TARS3: variants seen among roughly 807,000 people sequenced by gnomAD.
The protein encoded by TARS3 is threonine--tRNA ligase 2, cytoplasmic.
Under a neutral mutation model 103.5 loss-of-function variants are expected in TARS3, and 94 were observed. That is an observed-to-expected ratio of 0.91 (90% CI 0.77 to 1.08). The LOEUF (loss-of-function observed/expected upper bound fraction) is 1.08. Ranked by LOEUF, TARS3 falls within the 50% of genes least tolerant of loss-of-function variation. TARS3 has a pLI of 0.00. For missense variants in TARS3, 952 were observed against 995.2 expected, an observed-to-expected ratio of 0.96 and a Z score of 0.58; for synonymous variants, 416 against 355.4, an observed-to-expected ratio of 1.17 and a Z score of -1.92.
At chr15:101,692,561 T>G (rs946047431) in intron 10 of TARS3, among the ~76,000 whole-genome samples, 2 of 140,912 alleles carry the variant, frequency 1.4e-5, no homozygotes, top group Admixed American at 1.4e-4. Context: ...TCTCCTCACT[T>G]CTCTCCTCCA....
chr15:101,712,143 C>G, intron 4 of TARS3, 142 bp from the exon 5 acceptor site: 2 of 853,844 alleles, frequency 2.3e-6, no homozygotes, highest in South Asian at 3.7e-5. Flanking sequence ...AAAGGAAAAT[C>G]TTCGATGCCC....
At chr15:101,697,350 TGGTG>T (rs1295879403) in intron 10 of TARS3, among the ~76,000 whole-genome samples, 2 of 152,126 alleles carry the variant, frequency 1.3e-5, no homozygotes, top group African/African-American at 4.8e-5. Flanking sequence ...CAGAAACAGA[TGGTG>T]GGTAACACTG....
At chr15:101,702,160 G>C in intron 9 of TARS3, 79 bp downstream of exon 9, 1 of 1,536,740 alleles carries the variant, frequency 6.5e-7, no homozygotes, top group Non-Finnish European at 8.9e-7. Context: ...TATTTTTAAA[G>C]CAACTTAGTT....
intron 7 of TARS3, among the ~76,000 whole-genome samples, chr15:101,704,719 T>C (rs1457187848): frequency 2.7e-5 from 4 of 145,908 alleles, no homozygotes; most frequent in African/African-American, 7.6e-5. Context: ...TTTTCAAAAA[T>C]TAAATACAAG....
rs1897105229 is a variant in TARS3 at position 101,653,989 on chromosome 15, T to C, written c.*593A>G. On this transcript the variant is annotated 3_prime_UTR_variant, in exon 19 of 19. Transcript: ENST00000335968. ...TTTCTAAAGCGGAACAAAACCTAAT[T>C]ATGAATAAGAAACATTTAAATGGCA... 6.6e-6 allele frequency: 1 copy of C among 152,228 alleles called. No homozygotes were observed. The highest frequency in any genetic ancestry group is 2.4e-5 in the African/African-American group (1 of 41,450). 9.4% of individuals were successfully genotyped at this position (152,228 alleles called of 1,614,324 possible). A position where few individuals can be genotyped will look rare whatever the true frequency, so the allele number is the denominator to read the frequency against.
chr15:101,663,612 T>C (rs959327190), intron 15 of TARS3, among the ~76,000 whole-genome samples: 2 of 152,266 alleles, frequency 1.3e-5, no homozygotes, highest in Non-Finnish European at 2.9e-5. Context: ...GAAATGTTTT[T>C]TCCATTGCAT....
At chr15:101,704,213 TAC>T (rs1409232669) in intron 7 of TARS3, among the ~76,000 whole-genome samples, 1 of 152,186 alleles carries the variant, frequency 6.6e-6, no homozygotes, top group Non-Finnish European at 1.5e-5. Flanking sequence ...GGGACTGGCT[TAC>T]AGAGTGGCAA....
chr15:101,663,576 T>C (rs2141383262), intron 15 of TARS3, among the ~76,000 whole-genome samples: 1 of 152,366 alleles, frequency 6.6e-6, no homozygotes, highest in Admixed American at 6.5e-5. Flanking sequence ...ATTCATATTT[T>C]CTATTTTGTG....
chr15:101,662,661 T>C (rs1386718554), intron 15 of TARS3, among the ~76,000 whole-genome samples: 1 of 152,196 alleles, frequency 6.6e-6, no homozygotes, highest in Non-Finnish European at 1.5e-5. Flanking sequence ...GGTGAGCGGC[T>C]TGAGTCCATT....
intron 3 of TARS3, among the ~76,000 whole-genome samples, chr15:101,715,306 G>GCC (rs1567357581): frequency 1.3e-5 from 2 of 150,802 alleles, no homozygotes; most frequent in Non-Finnish European, 3.0e-5. Context: ...GCCACTACGC[G>GCC]CGGCTAATTT....
At chr15:101,698,395 C>A (rs1422675323) in intron 10 of TARS3, among the ~76,000 whole-genome samples, 1 of 151,128 alleles carries the variant, frequency 6.6e-6, no homozygotes, top group Non-Finnish European at 1.5e-5. Context: ...AAGAAAGCTA[C>A]CCTAAGGCAC....
intron 10 of TARS3, among the ~76,000 whole-genome samples, chr15:101,693,787 G>A (rs927908488): frequency 2.6e-5 from 4 of 152,026 alleles, no homozygotes; most frequent in Admixed American, 1.3e-4. Context: ...GGGTGAAAGC[G>A]GTCAGTCTCT....
At chr15:101,685,851 G>C (rs1462399476) in intron 11 of TARS3, 45 bp downstream of exon 11, 1 of 1,503,698 alleles carries the variant, frequency 6.7e-7, no homozygotes, top group Non-Finnish European at 9.1e-7. Flanking sequence ...GACGAAGCGT[G>C]CTATGTGCTC....
chr15:101,660,093 G>C (rs143818047), intron 16 of TARS3, among the ~76,000 whole-genome samples: 1 of 152,342 alleles, frequency 6.6e-6, no homozygotes, highest in African/African-American at 2.4e-5. Context: ...GTGATGCAGA[G>C]ACATGGAGCT....
chr15:101,681,573 C>T (rs1898257282), intron 12 of TARS3, among the ~76,000 whole-genome samples: 1 of 152,200 alleles, frequency 6.6e-6, no homozygotes, highest in South Asian at 2.1e-4. Flanking sequence ...CTTCACAGTT[C>T]TGCAGGCTGG....
intron 5 of TARS3, among the ~76,000 whole-genome samples, chr15:101,711,647 G>A (rs1899873099): frequency 1.3e-5 from 2 of 152,170 alleles, no homozygotes; most frequent in African/African-American, 4.8e-5. Flanking sequence ...TACAAACTAT[G>A]TGATACTCAA....
At chr15:101,712,485 G>C (rs949423183) in intron 4 of TARS3, among the ~76,000 whole-genome samples, 1 of 152,182 alleles carries the variant, frequency 6.6e-6, no homozygotes, top group African/African-American at 2.4e-5. Flanking sequence ...TGCATCTCCA[G>C]AGCAGTCTTC....
chr15:101,723,964 C>T, intron 1 of TARS3, 127 bp downstream of exon 1: 1 of 906,856 alleles, frequency 1.1e-6, no homozygotes, highest in Non-Finnish European at 1.5e-6. Flanking sequence ...GGGCCAGCCG[C>T]AGGGCACTGG....
rs574856899 is a variant in TARS3 at position 101,684,187 on chromosome 15, A to T, written c.1538T>A (p.Phe513Tyr). ...TCTATGCAGAACTCCAAAATCAGCAAATCTAATAGGCATTTCCCTCCAAGA... is the reference window on the plus strand; with the variant it reads ...TCTATGCAGAACTCCAAAATCAGCATATCTAATAGGCATTTCCCTCCAAGA... Reference protein sequence around the residue: ...PRSWREMPIRFADFGVLHRNE... With the variant: ...PRSWREMPIRYADFGVLHRNE... Residue 513 changes from phenylalanine to tyrosine, a missense_variant, in exon 12 of 19, where the codon TTT becomes TAT. Around this residue, in one of 2 missense-constraint regions of TARS3, gnomAD observed 540 missense variants for 631.0 expected, o/e 0.86. Coordinates refer to ENST00000335968, the MANE Select transcript of TARS3 (RefSeq NM_152334.3). The T allele has an allele frequency of 6.2e-7, 1 of 1,614,128 alleles. No individual in the cohort carries two copies. The highest frequency in any genetic ancestry group is 8.5e-7 in the Non-Finnish European group (1 of 1,179,980).
Sources: gnomAD v4.1 joint callset for allele counts (sites outside exome capture counted in the v4.1 genomes callset) on GRCh38, gnomAD v4.1.1 for gene constraint, gnomAD v4.1.1 regional missense constraint, MANE v1.5 for transcripts, NCBI Gene and HGNC (gene_info 2026-07-23, HGNC 2026-07-21) for gene names.